Variants in NACC2 observed in about 807,000 individuals in gnomAD.
The protein encoded by NACC2 is nucleus accumbens-associated protein 2.
In NACC2, 8 loss-of-function variants were observed where a neutral mutation model predicts 25.1. That is an observed-to-expected ratio of 0.32 (90% CI 0.19 to 0.57). The LOEUF (loss-of-function observed/expected upper bound fraction) is 0.57. Among genes scored for constraint, NACC2 ranks in the 20% least tolerant of loss-of-function variants. NACC2 has a pLI of 0.89. For missense variants in NACC2, 644 were observed against 650.2 expected, an observed-to-expected ratio of 0.99 and a Z score of 0.10; for synonymous variants, 435 against 294.7, an observed-to-expected ratio of 1.48 and a Z score of -4.88.
chr9:136,079,106 C>G (rs1368847685), intron 1 of NACC2, among the ~76,000 whole-genome samples: 1 of 151,326 alleles, frequency 6.6e-6, no homozygotes, highest in Non-Finnish European at 1.5e-5. Context: ...GGCACGTAAC[C>G]TGAAATCTAC....
chr9:136,034,642 G>C (rs1365531386), intron 2 of NACC2, among the ~76,000 whole-genome samples: 2 of 147,994 alleles, frequency 1.4e-5, no homozygotes, highest in Non-Finnish European at 3.0e-5. Context: ...TTTGCTGAAA[G>C]CAAGAAAATG....
At chr9:136,083,877 C>T (rs72773725) in intron 1 of NACC2, among the ~76,000 whole-genome samples, 11,384 of 152,238 alleles carry the variant, frequency 0.075, 450 homozygotes, top group Non-Finnish European at 0.089. Context: ...CTCAGACAGA[C>T]GATGTCCACC....
intron 1 of NACC2, among the ~76,000 whole-genome samples, chr9:136,054,538 G>A (rs1023854241): frequency 2.0e-5 from 3 of 152,288 alleles, no homozygotes; most frequent in East Asian, 3.9e-4. Context: ...GCAGACACAC[G>A]GGGGCTGACC....
chr9:136,041,095 A>AAAGGAAAGGAAAGGAAGG lies in NACC2; in HGVS notation c.886+8540_886+8541insCCTTCCTTTCCTTTCCTT, dbSNP rs1554738678. Among the ~76,000 whole-genome samples the AAAGGAAAGGAAAGGAAGG allele has an allele frequency of 1.3e-4, 19 of 146,458 alleles. No individual in the cohort carries two copies. The East Asian group carries it at 3.7e-3, about 28-fold the overall frequency. ...AGGAAGGAAAGGAAGGAAGCAAAGG[A>AAAGGAAAGGAAAGGAAGG]AAGGAAAGGAAGGAAGGAAAGGAAG... On this transcript the variant is annotated intron_variant, in intron 2 of 5. Coordinates refer to ENST00000277554, the MANE Select transcript of NACC2 (RefSeq NM_144653.5).
chr9:136,023,381 G>A (rs898702646), intron 2 of NACC2, among the ~76,000 whole-genome samples: 4 of 152,130 alleles, frequency 2.6e-5, no homozygotes, highest in Non-Finnish European at 4.4e-5. Context: ...TGGGATCCCC[G>A]AGTGAGTGGG....
At chr9:136,083,420 T>C (rs56053365) in intron 1 of NACC2, among the ~76,000 whole-genome samples, 11,549 of 152,212 alleles carry the variant, frequency 0.076, 468 homozygotes, top group Non-Finnish European at 0.09. Flanking sequence ...CCTTCACCCC[T>C]GTACTAGGAA....
chr9:136,079,410 T>G (rs1240036192), intron 1 of NACC2, among the ~76,000 whole-genome samples: 1 of 152,194 alleles, frequency 6.6e-6, no homozygotes, highest in Non-Finnish European at 1.5e-5. Flanking sequence ...AGCCAATGCG[T>G]GGACTCCGGG....
chr9:136,011,701 C>T lies in NACC2; in HGVS notation c.1579G>A (p.Asp527Asn), dbSNP rs201847833. The T allele has an allele frequency of 1.0e-3, 1,507 of 1,496,358 alleles. 1 individual carries two copies. Among genetic ancestry groups the T allele is most frequent in the Non-Finnish European group, 1.2e-3 (1,317 of 1,125,638 alleles). The allele number at this position is 1,496,358 out of a possible 1,614,324, so 92.7% of individuals were successfully genotyped here. The change falls in exon 6 of 6, where the codon GAC becomes AAC. Residue 527 changes from aspartate (D) to asparagine (N), a missense_variant. Asp to Asn is a conservative substitution (Grantham distance 23, BLOSUM62 1). Transcript: ENST00000277554. ...GCCCCGTCCACCTCCTCGCCGGCGT[C>T]GAAGGCGGGGTTGGCGGCGGCACTC... Reference protein sequence around the residue: ...DLSAAANPAFDAGEEVDGAGS... With the variant: ...DLSAAANPAFNAGEEVDGAGS...
chr9:136,050,145 G>A lies in NACC2; in HGVS notation c.377C>T (p.Pro126Leu). The A allele has an allele frequency of 1.3e-6, 1 of 766,900 alleles. No individual in the cohort carries two copies. Among genetic ancestry groups the A allele is most frequent in the Non-Finnish European group, 2.4e-6 (1 of 414,258 alleles). The allele number at this position is 766,900 out of a possible 1,614,324, so 47.5% of individuals were successfully genotyped here. A position where few individuals can be genotyped will look rare whatever the true frequency, so the allele number is the denominator to read the frequency against. Residue 126 changes from proline (P) to leucine (L), a missense_variant, in exon 2 of 6, where the codon CCC becomes CTC. Physicochemically the swap from Pro to Leu is moderately conservative, Grantham distance 98. Transcript: ENST00000277554. Reference protein sequence around the residue: ...GTDLMFKVSSPHCDSQTAVIE... With the variant: ...GTDLMFKVSSLHCDSQTAVIE... Reference sequence around the variant, plus strand: ...CACAGCGGTCTGCGAGTCGCAGTGGGGCGAGCTCACCTTGAACATGAGGTC... The same window carrying A: ...CACAGCGGTCTGCGAGTCGCAGTGGAGCGAGCTCACCTTGAACATGAGGTC...
intron 1 of NACC2, among the ~76,000 whole-genome samples, chr9:136,076,505 A>G (rs1243411692): frequency 6.6e-6 from 1 of 152,192 alleles, no homozygotes; most frequent in Non-Finnish European, 1.5e-5. Flanking sequence ...GTTCAGAGAC[A>G]GGAAGCAGAA....
At position 136,007,431 on chromosome 9, in the gene NACC2, A is replaced by G. The variant is rs1217069938; in HGVS notation, c.*4085T>C. On this transcript the variant is annotated 3_prime_UTR_variant, in exon 6 of 6. Coordinates refer to ENST00000277554, the MANE Select transcript of NACC2 (RefSeq NM_144653.5). The stretch of plus-strand genomic sequence containing the variant: ...TGCACACAGACGCGCGTGCACACAT[A>G]CACACAGACGCGCACACACACGCGC... 1.3e-5 allele frequency: 1 copy of G among 78,866 alleles called. No homozygotes were observed. The highest frequency in any genetic ancestry group is 3.9e-5 in the African/African-American group (1 of 25,660). 4.9% of individuals were successfully genotyped at this position (78,866 alleles called of 1,614,324 possible). A position where few individuals can be genotyped will look rare whatever the true frequency, so the allele number is the denominator to read the frequency against.
At chr9:136,027,044 C>T (rs1484067016) in intron 2 of NACC2, among the ~76,000 whole-genome samples, 1 of 152,198 alleles carries the variant, frequency 6.6e-6, no homozygotes, top group Non-Finnish European at 1.5e-5. Context: ...GCCTGGCCAA[C>T]ATGGTGAAAC....
chr9:136,039,399 C>T (rs1840597438), intron 2 of NACC2, among the ~76,000 whole-genome samples: 1 of 152,298 alleles, frequency 6.6e-6, no homozygotes, highest in African/African-American at 2.4e-5. Context: ...AGTGGCTTCG[C>T]TGGTAAGACA....
chr9:136,074,183 G>A (rs1299566222), intron 1 of NACC2, among the ~76,000 whole-genome samples: 1 of 151,480 alleles, frequency 6.6e-6, no homozygotes, highest in African/African-American at 2.4e-5. Context: ...AGGCGCGGTG[G>A]CTCATGCCTG....
intron 1 of NACC2, among the ~76,000 whole-genome samples, chr9:136,050,879 G>A (rs924378577): frequency 6.6e-6 from 1 of 152,174 alleles, no homozygotes; most frequent in Non-Finnish European, 1.5e-5. Flanking sequence ...GGTCTCAGCA[G>A]GCGAGGAGGA....
Position 136,011,057 on chromosome 9 carries a change from C to G in NACC2, c.*459G>C, listed in dbSNP as rs117116359. On this transcript the variant is annotated 3_prime_UTR_variant, in exon 6 of 6. Transcript: ENST00000277554. ...AGGCCCTGGAGCCTGAGCCCTGCCCCGTCGCCCCAGAGAGGTTCCATGGGG... is the reference window on the plus strand; with the variant it reads ...AGGCCCTGGAGCCTGAGCCCTGCCCGGTCGCCCCAGAGAGGTTCCATGGGG... The G allele has an allele frequency of 2.0e-5, 3 of 153,844 alleles. No individual in the cohort carries two copies. Among genetic ancestry groups the G allele is most frequent in the South Asian group, 4.1e-4 (2 of 4,866 alleles). 9.5% of individuals were successfully genotyped at this position (153,844 alleles called of 1,614,324 possible). A position where few individuals can be genotyped will look rare whatever the true frequency, so the allele number is the denominator to read the frequency against.
chr9:136,016,981 G>A (rs1342838926), intron 2 of NACC2, among the ~76,000 whole-genome samples: 1 of 152,146 alleles, frequency 6.6e-6, no homozygotes, highest in African/African-American at 2.4e-5. Flanking sequence ...CCCAGCAAGG[G>A]GCAGTGGGGC....
At chr9:136,083,474 A>G (rs1830346439) in intron 1 of NACC2, among the ~76,000 whole-genome samples, 1 of 152,212 alleles carries the variant, frequency 6.6e-6, no homozygotes, top group Non-Finnish European at 1.5e-5. Flanking sequence ...CTCGAATGTG[A>G]CTGTATTTGG....
chr9:136,015,455 G>A (rs1243154329), intron 3 of NACC2, among the ~76,000 whole-genome samples: 3 of 152,212 alleles, frequency 2.0e-5, no homozygotes, highest in South Asian at 2.1e-4. Flanking sequence ...CATGAGGACC[G>A]AAGTCCCTGG....
Sources: gnomAD v4.1 joint callset for allele counts (sites outside exome capture counted in the v4.1 genomes callset) on GRCh38, gnomAD v4.1.1 for gene constraint, MANE v1.5 for transcripts, NCBI Gene and HGNC (gene_info 2026-07-23, HGNC 2026-07-21) for gene names.